Variants in ABTB3 observed in about 807,000 individuals in gnomAD.
The protein encoded by ABTB3 is ankyrin repeat and BTB domain containing 3.
chr12:107,534,950 A>T, the ABTB3 span, among the ~76,000 whole-genome samples: 1 of 152,334 alleles, frequency 6.6e-6, no homozygotes, highest in African/African-American at 2.4e-5. Flanking sequence ...CTACAATGCC[A>T]ATATTATCCT....
chr12:107,451,687 T>G, the ABTB3 span, among the ~76,000 whole-genome samples: 2 of 148,134 alleles, frequency 1.4e-5, no homozygotes, highest in African/African-American at 5.0e-5. Flanking sequence ...TTCCCCCCAG[T>G]TTTCCTGAAC....
At chr12:107,391,867 G>A in the ABTB3 span, among the ~76,000 whole-genome samples, 2 of 152,110 alleles carry the variant, frequency 1.3e-5, no homozygotes, top group Non-Finnish European at 2.9e-5. Flanking sequence ...GTGTGATGGG[G>A]TGTGTGCATT....
the ABTB3 span, among the ~76,000 whole-genome samples, chr12:107,608,049 C>T: frequency 6.6e-6 from 1 of 152,178 alleles, no homozygotes; most frequent in Admixed American, 6.5e-5. Context: ...TTAGTTCCCG[C>T]CCTCGGAGTC....
At chr12:107,642,744 A>G in the ABTB3 span, among the ~76,000 whole-genome samples, 2 of 152,288 alleles carry the variant, frequency 1.3e-5, no homozygotes, top group South Asian at 2.1e-4. Flanking sequence ...TCATTTTAGC[A>G]TTAGTCTAAA....
the ABTB3 span, among the ~76,000 whole-genome samples, chr12:107,493,022 A>G: frequency 3.3e-5 from 5 of 151,996 alleles, no homozygotes; most frequent in Non-Finnish European, 7.4e-5. Context: ...CAGGAAGCAC[A>G]TTAACCTCCG....
the ABTB3 span, among the ~76,000 whole-genome samples, chr12:107,360,231 G>T: frequency 6.6e-6 from 1 of 152,196 alleles, no homozygotes; most frequent in Non-Finnish European, 1.5e-5. Context: ...TAGCTGAGCT[G>T]GGCTTTGCAG....
At chr12:107,395,756 A>T in the ABTB3 span, among the ~76,000 whole-genome samples, 3 of 152,168 alleles carry the variant, frequency 2.0e-5, no homozygotes, top group Admixed American at 2.0e-4. Context: ...AGTCTTGTCC[A>T]TTCTCAGCTG....
At chr12:107,508,075 GAT>G in the ABTB3 span, among the ~76,000 whole-genome samples, 1 of 84,842 alleles carries the variant, frequency 1.2e-5, no homozygotes, top group African/African-American at 4.6e-5. Context: ...AAGATGGATG[GAT>G]GGATGGATGG....
the ABTB3 span, among the ~76,000 whole-genome samples, chr12:107,647,375 C>T: frequency 3.3e-5 from 5 of 151,920 alleles, no homozygotes; most frequent in Non-Finnish European, 7.4e-5. Flanking sequence ...CACGGTGGTG[C>T]GTGCCTGTAG....
the ABTB3 span, among the ~76,000 whole-genome samples, chr12:107,621,538 G>T: frequency 6.6e-6 from 1 of 152,186 alleles, no homozygotes; most frequent in East Asian, 1.9e-4. Flanking sequence ...GACATTCTGT[G>T]TATTAAGTAA....
At chr12:107,357,984 T>C in the ABTB3 span, among the ~76,000 whole-genome samples, 1 of 152,196 alleles carries the variant, frequency 6.6e-6, no homozygotes, top group East Asian at 1.9e-4. Context: ...TCCTCCTCCT[T>C]TCTTTCCCTC....
At chr12:107,610,594 G>A in the ABTB3 span, among the ~76,000 whole-genome samples, 44 of 152,260 alleles carry the variant, frequency 2.9e-4, no homozygotes, top group Middle Eastern at 0.01. Context: ...GGAAAAGAGA[G>A]GAAAAACAGG....
At chr12:107,516,678 G>A in the ABTB3 span, among the ~76,000 whole-genome samples, 1 of 152,234 alleles carries the variant, frequency 6.6e-6, no homozygotes. Flanking sequence ...CAATCAGGCA[G>A]TGGGGACGAG....
At chr12:107,417,486 A>C in the ABTB3 span, among the ~76,000 whole-genome samples, 1 of 152,202 alleles carries the variant, frequency 6.6e-6, no homozygotes, top group Non-Finnish European at 1.5e-5. Context: ...GGGTGATCTC[A>C]TCTCAAGATC....
chr12:107,508,801 A>G, the ABTB3 span, among the ~76,000 whole-genome samples: 1 of 152,136 alleles, frequency 6.6e-6, no homozygotes, highest in East Asian at 1.9e-4. Context: ...GTTACACTCC[A>G]TGGCTGAGTT....
chr12:107,433,023 C>T, the ABTB3 span, among the ~76,000 whole-genome samples: 5 of 152,178 alleles, frequency 3.3e-5, no homozygotes, highest in South Asian at 2.1e-4. Flanking sequence ...CGGTGGCTCA[C>T]GCCTGTAATC....
the ABTB3 span, among the ~76,000 whole-genome samples, chr12:107,334,718 G>T: frequency 6.6e-6 from 1 of 152,140 alleles, no homozygotes. Context: ...AGGTCACAGC[G>T]GGAGTGAGTA....
chr12:107,529,814 C>T, the ABTB3 span, among the ~76,000 whole-genome samples: 1 of 152,142 alleles, frequency 6.6e-6, no homozygotes, highest in African/African-American at 2.4e-5. Flanking sequence ...AACCACATGC[C>T]ACACTGCCTC....
the ABTB3 span, among the ~76,000 whole-genome samples, chr12:107,643,851 C>T: frequency 6.6e-6 from 1 of 151,212 alleles, no homozygotes; most frequent in Non-Finnish European, 1.5e-5. Context: ...GCAACCTCCA[C>T]CTTCTGGGTT....
Sources: gnomAD v4.1 joint callset for allele counts (sites outside exome capture counted in the v4.1 genomes callset) on GRCh38, gnomAD v4.1.1 for gene constraint, MANE v1.5 for transcripts, NCBI Gene and HGNC (gene_info 2026-07-23, HGNC 2026-07-21) for gene names.